The following ABLIM1 variants were observed in gnomAD, a reference collection of about 807,000 sequenced individuals.
ABLIM1 encodes actin binding LIM protein 1.
In ABLIM1, 40 loss-of-function variants were observed where a neutral mutation model predicts 107.0. The observed-to-expected ratio is 0.37, with a 90% CI of 0.29 to 0.49. The LOEUF is 0.49. Among genes scored for constraint, ABLIM1 ranks in the 20% least tolerant of loss-of-function variants. The probability of loss-of-function intolerance (pLI) is 0.97; values close to 1 mark genes in which losing one functional copy is unlikely to be tolerated. For missense variants in ABLIM1, 857 were observed against 1,008.5 expected (o/e 0.85, Z 2.04); for synonymous variants, 357 against 357.3 (o/e 1.00, Z 0.01).
At chr10:114,676,552 T>C (rs911237333) in intron 1 of ABLIM1, among the ~76,000 whole-genome samples, 38 of 152,086 alleles carry the variant, frequency 2.5e-4, no homozygotes, top group Non-Finnish European at 5.4e-4. Context: ...ACTGGATTTA[T>C]ACGATTATGT....
At chr10:114,726,970 C>T (rs2081974236) in intron 1 of ABLIM1, among the ~76,000 whole-genome samples, 1 of 152,176 alleles carries the variant, frequency 6.6e-6, no homozygotes, top group Admixed American at 6.5e-5. Context: ...TCAACTTGGT[C>T]TACCTTGCAG....
chr10:114,555,188 A>T (rs1258292120), intron 4 of ABLIM1, among the ~76,000 whole-genome samples: 1 of 152,156 alleles, frequency 6.6e-6, no homozygotes, highest in Non-Finnish European at 1.5e-5. Context: ...AAGAAAATTA[A>T]CATCTTGTGT....
At chr10:114,616,903 T>C (rs1173400510) in intron 1 of ABLIM1, among the ~76,000 whole-genome samples, 1 of 152,252 alleles carries the variant, frequency 6.6e-6, no homozygotes, top group East Asian at 1.9e-4. Context: ...GTACTATTAT[T>C]GTCCTTATTT....
intron 1 of ABLIM1, among the ~76,000 whole-genome samples, chr10:114,628,176 A>ATCCATTG (rs2077939173): frequency 6.6e-6 from 1 of 152,152 alleles, no homozygotes; most frequent in Non-Finnish European, 1.5e-5. Context: ...GCTCAAGGGA[A>ATCCATTG]TCCATTGATC....
At chr10:114,602,335 A>C (rs1356977249) in intron 1 of ABLIM1, among the ~76,000 whole-genome samples, 2 of 152,242 alleles carry the variant, frequency 1.3e-5, no homozygotes, top group African/African-American at 4.8e-5. Context: ...GAAGGAGTTC[A>C]CTGTGGACTG....
chr10:114,525,946 A>C (rs1047866521), intron 6 of ABLIM1, among the ~76,000 whole-genome samples: 70 of 152,158 alleles, frequency 4.6e-4, no homozygotes, highest in Middle Eastern at 3.4e-3. Flanking sequence ...CTTTCCCCCC[A>C]AAAAAAGTCT....
intron 1 of ABLIM1, among the ~76,000 whole-genome samples, chr10:114,745,484 C>A (rs1311209827): frequency 1.3e-5 from 2 of 152,188 alleles, no homozygotes; most frequent in Non-Finnish European, 2.9e-5. Flanking sequence ...TCGCTGGAAC[C>A]TGGGAGGCAG....
chr10:114,588,756 C>T (rs186465288), intron 2 of ABLIM1, among the ~76,000 whole-genome samples: 2 of 152,084 alleles, frequency 1.3e-5, no homozygotes, highest in Admixed American at 1.3e-4. Flanking sequence ...CCACCAGCCT[C>T]GGCCTTCCAA....
At position 114,485,287 on chromosome 10, in the gene ABLIM1, C is replaced by T. The variant is rs199720341; in HGVS notation, c.1041+2671G>A. On this transcript the variant is annotated intron_variant, in intron 8 of 22. Transcript: ENST00000533213. ...GTGGCTTCGAGCCCCAGCCTAGACACAATGCCAACCTGCAGAGACGGAGAC... is the reference window on the plus strand; with the variant it reads ...GTGGCTTCGAGCCCCAGCCTAGACATAATGCCAACCTGCAGAGACGGAGAC... 3.7e-6 allele frequency: 6 copies of T among 1,601,148 alleles called. No individual in the cohort carries two copies. In the East Asian group the frequency reaches 1.1e-4, roughly 30 times the overall value.
At chr10:114,451,303 T>G (rs2061854196) in intron 14 of ABLIM1, among the ~76,000 whole-genome samples, 1 of 152,242 alleles carries the variant, frequency 6.6e-6, no homozygotes, top group African/African-American at 2.4e-5. Context: ...TGACTATATT[T>G]GATGGCAAAA....
chr10:114,457,290 G>C (rs1365978678), intron 12 of ABLIM1, among the ~76,000 whole-genome samples: 1 of 151,484 alleles, frequency 6.6e-6, no homozygotes, highest in East Asian at 1.9e-4. Flanking sequence ...TTTTTTTTGA[G>C]ACAGAGTCTT....
chr10:114,504,275 T>A (rs2060827252), intron 6 of ABLIM1, among the ~76,000 whole-genome samples: 1 of 152,034 alleles, frequency 6.6e-6, no homozygotes, highest in Non-Finnish European at 1.5e-5. Context: ...ATCCAACACT[T>A]GGTGGGCGCC....
intron 1 of ABLIM1, among the ~76,000 whole-genome samples, chr10:114,670,239 T>C (rs2080192453): frequency 1.3e-5 from 2 of 152,166 alleles, no homozygotes; most frequent in South Asian, 4.1e-4. Flanking sequence ...CCCCTTCAGG[T>C]CTACCCCTCT....
chr10:114,609,960 G>A (rs778263903), intron 1 of ABLIM1, among the ~76,000 whole-genome samples: 1 of 152,150 alleles, frequency 6.6e-6, no homozygotes, highest in Admixed American at 6.5e-5. Flanking sequence ...CAGCTAAGAA[G>A]AAACAGTCTT....
At chr10:114,722,689 G>T (rs922126595) in intron 1 of ABLIM1, among the ~76,000 whole-genome samples, 4 of 152,252 alleles carry the variant, frequency 2.6e-5, no homozygotes, top group Non-Finnish European at 5.9e-5. Flanking sequence ...TTTGCTTATA[G>T]GAATCCCACT....
intron 1 of ABLIM1, chr10:114,631,813 T>G: frequency 1.6e-6 from 2 of 1,259,452 alleles, no homozygotes; most frequent in Non-Finnish European, 2.1e-6. Context: ...CGCCCGGCTT[T>G]CGATTGATCA....
chr10:114,650,880 A>G, intron 1 of ABLIM1, among the ~76,000 whole-genome samples: 1 of 152,208 alleles, frequency 6.6e-6, no homozygotes, highest in South Asian at 2.1e-4. Flanking sequence ...TCGAGCTCCA[A>G]CTAAATGCCA....
rs376871563 is a variant in ABLIM1, at chr10:114,644,335, A to G, written c.244+13622T>C. On this transcript the variant is annotated intron_variant, in intron 1 of 22. Coordinates refer to ENST00000533213, the MANE Select transcript of ABLIM1 (RefSeq NM_002313.7). ...TATATATATATATATATATATGTGT[A>G]TATATTGTATATATACATATATATA... Among the ~76,000 whole-genome samples the G allele has an allele frequency of 4.3e-4, 52 of 119,834 alleles. 1 individual carries two copies. Among genetic ancestry groups the G allele is most frequent in the East Asian group, 2.1e-3 (8 of 3,744 alleles). 78.6% of individuals were successfully genotyped at this position (119,834 alleles called of 152,430 possible).
At chr10:114,490,972 A>ATG (rs1565576792) in intron 7 of ABLIM1, among the ~76,000 whole-genome samples, 5 of 85,028 alleles carry the variant, frequency 5.9e-5, no homozygotes, top group Admixed American at 2.7e-4. Context: ...CCCGGCATAT[A>ATG]TATGTGTGTG....
Sources: gnomAD v4.1 joint callset for allele counts (sites outside exome capture counted in the v4.1 genomes callset) on GRCh38, gnomAD v4.1.1 for gene constraint, MANE v1.5 for transcripts, NCBI Gene and HGNC (gene_info 2026-07-23, HGNC 2026-07-21) for gene names.